CAPNS1: variants seen among roughly 807,000 people sequenced by gnomAD.
CAPNS1 encodes CANP small subunit.
A neutral mutation model predicts 39.2 loss-of-function variants in CAPNS1; 32 were observed. That is an observed-to-expected ratio of 0.82 (90% confidence interval 0.62 to 1.10). The LOEUF (loss-of-function observed/expected upper bound fraction) is 1.10, where lower values mean the gene tolerates loss of function less well. Ranked by LOEUF, CAPNS1 falls within the 50% of genes least tolerant of loss-of-function variation. The probability of loss-of-function intolerance (pLI) is 0.00; values close to 1 mark genes in which losing one functional copy is unlikely to be tolerated. For synonymous variants in CAPNS1, 153 were observed against 136.2 expected, an observed-to-expected ratio of 1.12 and a Z score of -0.86; for missense variants, 353 against 373.1, an observed-to-expected ratio of 0.95 and a Z score of 0.44.
chr19:36,148,063 G>A (rs1974635948), intron 9 of CAPNS1: 1 of 149,454 alleles, frequency 6.7e-6, no homozygotes, highest in Non-Finnish European at 1.5e-5. Context: ...TGGGTGACAA[G>A]AGCGAGATTC....
intron 6 of CAPNS1, 24 bp from the exon 7 acceptor site, chr19:36,145,782 C>T: frequency 2.5e-6 from 4 of 1,607,334 alleles, no homozygotes; most frequent in Non-Finnish European, 3.4e-6. Flanking sequence ...GTAGCTGTCA[C>T]TCTTCTTAAC....
At chr19:36,142,373 G>A in intron 3 of CAPNS1, 40 bp downstream of exon 3, 1 of 1,204,198 alleles carries the variant, frequency 8.3e-7, no homozygotes, top group Non-Finnish European at 1.2e-6. Context: ...CTCCTGCCAA[G>A]GCCTCTTCGA....
intron 6 of CAPNS1, chr19:36,144,215 A>G (rs1462500312): frequency 6.6e-6 from 1 of 151,108 alleles, no homozygotes; most frequent in African/African-American, 2.4e-5. Context: ...AAATAACAAT[A>G]ACAAAAATTA....
chr19:36,150,275 C>T lies in CAPNS1; in HGVS notation c.*436C>T, dbSNP rs1974732061. The T allele has an allele frequency of 5.9e-6, 1 of 170,448 alleles. No homozygotes were observed. The highest frequency in any genetic ancestry group is 1.2e-5 in the Non-Finnish European group (1 of 80,642). 10.6% of individuals were successfully genotyped at this position (170,448 alleles called of 1,614,324 possible). A position where few individuals can be genotyped will look rare whatever the true frequency, so the allele number is the denominator to read the frequency against. On this transcript the variant is annotated 3_prime_UTR_variant, in exon 11 of 11. Transcript: ENST00000246533. The stretch of plus-strand genomic sequence containing the variant: ...TCCAGACCGTGCCAGACCCAGGTGC[C>T]CCAGTGCCTTTGTCTATATTCTGCT...
At position 36,145,993 on chromosome 19, in the gene CAPNS1, C is replaced by T. The variant is rs373765626; in HGVS notation, c.543C>T (p.Phe181=). ...IKRWQAIYKQ[F]DTDRSGTICS... ...CCTCACAGGCCATATACAAACAGTT[C>T]GACACTGACCGATCAGGGACCATTT... Residue 181 remains phenylalanine, a synonymous_variant, in exon 8 of 11, where the codon TTC becomes TTT. Coordinates refer to ENST00000246533, the MANE Select transcript of CAPNS1 (RefSeq NM_001749.4). 8.1e-5 allele frequency: 131 copies of T among 1,614,168 alleles called. No individual in the cohort carries two copies. The highest frequency in any genetic ancestry group is 2.0e-4 in the East Asian group (9 of 44,890).
chr19:36,146,269 T>C lies in CAPNS1; in HGVS notation c.678T>C (p.Phe226=). ...CAGATGAAAGTGGGAACATGGATTT[T>C]GACAACTTCATCAGCTGCTTGGTCA... ...RYSDESGNMD[F]DNFISCLVRL... is the part of the protein sequence containing the mutation. Residue 226 remains phenylalanine (F), a synonymous_variant, in exon 9 of 11, where the codon TTT becomes TTC. Transcript: ENST00000246533. The C allele has an allele frequency of 1.2e-6, 2 of 1,614,096 alleles. No homozygotes were observed. The highest frequency in any genetic ancestry group is 1.7e-6 in the Non-Finnish European group (2 of 1,179,932).
intron 9 of CAPNS1, chr19:36,148,352 A>T (rs1568396082): frequency 7.2e-6 from 1 of 138,124 alleles, no homozygotes; most frequent in African/African-American, 2.9e-5. Flanking sequence ...AAAAAAAAAA[A>T]TATATGTATA....
At chr19:36,142,577 C>A in intron 3 of CAPNS1, 75 bp from the exon 4 acceptor site, 2 of 1,226,616 alleles carry the variant, frequency 1.6e-6, no homozygotes, top group Non-Finnish European at 1.2e-6. Flanking sequence ...ACTTCCCCAC[C>A]CAGGGTACCT....
chr19:36,145,872 C>A lies in CAPNS1; in HGVS notation c.523C>A (p.Gln175Lys). The A allele has an allele frequency of 6.2e-7, 1 of 1,614,086 alleles. No individual in the cohort carries two copies. The highest frequency in any genetic ancestry group is 8.5e-7 in the Non-Finnish European group (1 of 1,179,928). Residue 175 changes from glutamine to lysine, a missense_variant and splice_region_variant, in exon 7 of 11, where the codon CAG (glutamine) becomes AAG (lysine). Transcript: ENST00000246533. ...KYLWNNIKRWQAIYKQFDTDR... is the reference protein window; with the variant it reads ...KYLWNNIKRWKAIYKQFDTDR... ...CTTGTGGAACAACATCAAAAGGTGG[C>A]AGGTGTGTAGAAACCTCTGAAATCC...
chr19:36,143,266 G>A (rs1974445977), intron 6 of CAPNS1, 138 bp downstream of exon 6: 1 of 788,890 alleles, frequency 1.3e-6, no homozygotes, highest in Non-Finnish European at 2.2e-6. Flanking sequence ...CTGCAGACAT[G>A]TGGCGGTAAA....
At chr19:36,146,632 G>A (rs1171169991) in intron 9 of CAPNS1, among the ~76,000 whole-genome samples, 3 of 152,150 alleles carry the variant, frequency 2.0e-5, no homozygotes, top group Admixed American at 6.5e-5. Flanking sequence ...TTGTGCTTGG[G>A]GAAGCCTAGA....
intron 2 of CAPNS1, among the ~76,000 whole-genome samples, chr19:36,141,987 A>G (rs1974390798): frequency 6.6e-6 from 1 of 151,966 alleles, no homozygotes; most frequent in African/African-American, 2.4e-5. Context: ...TCTACGTGGG[A>G]TTTTTTAGGT....
intron 6 of CAPNS1, among the ~76,000 whole-genome samples, chr19:36,143,891 A>G (rs1425900690): frequency 1.1e-4 from 16 of 146,790 alleles, no homozygotes; most frequent in Non-Finnish European, 2.4e-4. Flanking sequence ...AAAAATAAAA[A>G]TAGGCCGGGC....
In CAPNS1 at chr19:36,146,194, A is replaced by C. The variant is rs764274140; in HGVS notation, c.605-2A>C. 4.4e-6 allele frequency: 7 copies of C among 1,607,914 alleles called. No individual in the cohort carries two copies. The highest frequency in any genetic ancestry group is 6.0e-6 in the Non-Finnish European group (7 of 1,174,404). Reference sequence around the variant, plus strand: ...GCACCTGAAGGACTACATCCATCTTAGGGTTCCACCTGAATGAGCATCTCT... The same window carrying C: ...GCACCTGAAGGACTACATCCATCTTCGGGTTCCACCTGAATGAGCATCTCT... On this transcript the variant is annotated splice_acceptor_variant, in intron 8 of 10. Coordinates refer to ENST00000246533, the MANE Select transcript of CAPNS1 (RefSeq NM_001749.4). LOFTEE classifies it high-confidence loss of function.
chr19:36,141,322 C>T (rs986834864), intron 2 of CAPNS1, 102 bp downstream of exon 2: 37 of 1,405,076 alleles, frequency 2.6e-5, no homozygotes, highest in Non-Finnish European at 3.3e-5. Flanking sequence ...TAGGATTAAC[C>T]TGGAGGCTAA....
intron 6 of CAPNS1, among the ~76,000 whole-genome samples, chr19:36,144,763 C>G (rs1974504417): frequency 6.6e-6 from 1 of 152,140 alleles, no homozygotes; most frequent in Non-Finnish European, 1.5e-5. Context: ...TTGCATAGAG[C>G]AAAGCAATCC....
At chr19:36,149,361 C>G (rs1300290689) in intron 9 of CAPNS1, among the ~76,000 whole-genome samples, 1 of 152,180 alleles carries the variant, frequency 6.6e-6, no homozygotes, top group Non-Finnish European at 1.5e-5. Flanking sequence ...CCACCACGCC[C>G]AGCCTGTGCC....
chr19:36,142,566 G>T, intron 3 of CAPNS1, 86 bp from the exon 4 acceptor site: 1 of 1,070,716 alleles, frequency 9.3e-7, no homozygotes, highest in South Asian at 1.4e-5. Context: ...AGCCCACTCT[G>T]ACTTCCCCAC....
At position 36,150,008 on chromosome 19, in the gene CAPNS1, A is replaced by T; in HGVS notation, c.*169A>T. On this transcript the variant is annotated 3_prime_UTR_variant, in exon 11 of 11. Coordinates refer to ENST00000246533, the MANE Select transcript of CAPNS1 (RefSeq NM_001749.4). ...CCCAGCTTCTCAACATCCAGGGCCC[A>T]ATTTGCCCTGCCTGGAGTTCCCCCT... The T allele has an allele frequency of 1.7e-6, 1 of 572,106 alleles. No individual in the cohort carries two copies. The highest frequency in any genetic ancestry group is 2.7e-6 in the Non-Finnish European group (1 of 369,616). The allele number at this position is 572,106 out of a possible 1,614,324, so 35.4% of individuals were successfully genotyped here. A position where few individuals can be genotyped will look rare whatever the true frequency, so the allele number is the denominator to read the frequency against.
Sources: allele counts gnomAD v4.1 joint callset (sites outside exome capture counted in the v4.1 genomes callset), GRCh38; gene constraint gnomAD v4.1.1; transcripts MANE v1.5; gene names NCBI Gene and HGNC (gene_info 2026-07-23, HGNC 2026-07-21).